ABHD3: variants seen among roughly 807,000 people sequenced by gnomAD.
ABHD3 encodes the protein abhydrolase domain containing 3, phospholipase.
A neutral mutation model predicts 48.8 loss-of-function variants in ABHD3; 46 were observed. That is an observed-to-expected ratio of 0.94 (90% CI 0.74 to 1.20). The LOEUF (loss-of-function observed/expected upper bound fraction) is 1.20. Among genes scored for constraint, ABHD3 ranks in the 50% most tolerant of loss-of-function variants. The pLI, the probability that ABHD3 is intolerant of heterozygous loss-of-function variation, is 0.00. For missense variants in ABHD3, 490 were observed against 497.8 expected (o/e 0.98, Z 0.15); for synonymous variants, 192 against 183.7 (o/e 1.04, Z -0.36).
At chr18:21,658,743 A>C (rs2039412930) in intron 6 of ABHD3, among the ~76,000 whole-genome samples, 1 of 152,226 alleles carries the variant, frequency 6.6e-6, no homozygotes, top group Admixed American at 6.5e-5. Flanking sequence ...GTACAGTAGT[A>C]AATTTATTCA....
At chr18:21,700,952 C>CCA (rs1491230268) in intron 3 of ABHD3, among the ~76,000 whole-genome samples, 2 of 81,664 alleles carry the variant, frequency 2.4e-5, no homozygotes, top group Admixed American at 1.5e-4. Flanking sequence ...GATTTGGCCT[C>CCA]AAAAAAAAAA....
At chr18:21,667,581 C>G (rs1241052790) in intron 4 of ABHD3, among the ~76,000 whole-genome samples, 3 of 152,032 alleles carry the variant, frequency 2.0e-5, no homozygotes, top group Non-Finnish European at 4.4e-5. Flanking sequence ...TTAAACTCAT[C>G]CCTAAAACAC....
intron 5 of ABHD3, chr18:21,663,797 G>A (rs2039556709): frequency 3.3e-6 from 5 of 1,533,542 alleles, no homozygotes; most frequent in Non-Finnish European, 4.4e-6. Flanking sequence ...CTCCAGGGAT[G>A]GCTGGGAGTG....
chr18:21,670,294 GT>G (rs772617395), intron 4 of ABHD3, among the ~76,000 whole-genome samples: 2 of 152,174 alleles, frequency 1.3e-5, no homozygotes, highest in Non-Finnish European at 2.9e-5. Flanking sequence ...GGGTAAGGAT[GT>G]AGCACCAGCT....
intron 4 of ABHD3, among the ~76,000 whole-genome samples, chr18:21,665,586 G>T (rs1385131891): frequency 2.0e-5 from 3 of 152,076 alleles, no homozygotes; most frequent in Non-Finnish European, 4.4e-5. Flanking sequence ...GGAGGCCAAG[G>T]CAGGTGGATC....
At chr18:21,699,422 T>TA (rs1379829415) in intron 3 of ABHD3, among the ~76,000 whole-genome samples, 1 of 152,220 alleles carries the variant, frequency 6.6e-6, no homozygotes, top group African/African-American at 2.4e-5. Context: ...ACCAATGACT[T>TA]AGATCATTTT....
chr18:21,660,620 T>C (rs890273502), intron 5 of ABHD3, among the ~76,000 whole-genome samples: 6 of 152,198 alleles, frequency 3.9e-5, no homozygotes, highest in African/African-American at 1.4e-4. Flanking sequence ...ATTTCTTCAA[T>C]TGTCCATGTT....
chr18:21,651,462 A>C lies in ABHD3; in HGVS notation c.*129T>G. ...TGTTTCTCTAAAAAGTAGTTTTTGC[A>C]TATCATTCTGGACCTCTTCACCCAT... On this transcript the variant is annotated 3_prime_UTR_variant, in exon 9 of 9. Transcript: ENST00000289119. The C allele has an allele frequency of 9.8e-7, 1 of 1,025,538 alleles. No individual in the cohort carries two copies. The highest frequency in any genetic ancestry group is 1.4e-6 in the Non-Finnish European group (1 of 728,096). The allele number at this position is 1,025,538 out of a possible 1,614,324, so 63.5% of individuals were successfully genotyped here. A position where few individuals can be genotyped will look rare whatever the true frequency, so the allele number is the denominator to read the frequency against.
At chr18:21,658,224 G>T (rs909187498) in intron 6 of ABHD3, among the ~76,000 whole-genome samples, 3 of 151,534 alleles carry the variant, frequency 2.0e-5, no homozygotes, top group Non-Finnish European at 4.4e-5. Flanking sequence ...GAAAGAAAAA[G>T]AAAAAAAGAA....
At chr18:21,663,996 GATAAAC>G (rs2146290360) in intron 5 of ABHD3, 116 bp downstream of exon 5, 4 of 1,434,618 alleles carry the variant, frequency 2.8e-6, no homozygotes, top group African/African-American at 1.4e-5. Flanking sequence ...AATAAAATAT[GATAAAC>G]ATAATCAGAC....
At chr18:21,693,303 C>G (rs981914613) in intron 3 of ABHD3, among the ~76,000 whole-genome samples, 22 of 152,184 alleles carry the variant, frequency 1.4e-4, no homozygotes, top group African/African-American at 4.8e-4. Flanking sequence ...CCTGTGAGGT[C>G]TAGGTATTGT....
intron 4 of ABHD3, among the ~76,000 whole-genome samples, chr18:21,673,020 G>C (rs62090801): frequency 6.6e-6 from 1 of 152,180 alleles, no homozygotes; most frequent in East Asian, 1.9e-4. Context: ...CATGATGTCA[G>C]GTTATACAAG....
rs140551639 is a variant in ABHD3, at chr18:21,697,785, T to C, written c.509+4531A>G. 3.4e-3 allele frequency among the ~76,000 whole-genome samples: 524 copies of C among 152,312 alleles called. 3 individuals are homozygous for C. The highest frequency in any genetic ancestry group is 0.012 in the African/African-American group (498 of 41,572). On this transcript the variant is annotated intron_variant, in intron 3 of 8. Coordinates refer to ENST00000289119, the MANE Select transcript of ABHD3 (RefSeq NM_138340.5). ...CCATCCATCCTGAATTTTGAATTAG[T>C]GCACCTTAACAGAAAAGTACTTTGT...
At chr18:21,677,489 A>G (rs1316878248) in intron 4 of ABHD3, among the ~76,000 whole-genome samples, 3 of 151,900 alleles carry the variant, frequency 2.0e-5, no homozygotes, top group African/African-American at 7.3e-5. Context: ...TACAGGCGTG[A>G]GCCACTATGC....
chr18:21,667,175 A>G (rs1033294196), intron 4 of ABHD3, among the ~76,000 whole-genome samples: 1 of 144,750 alleles, frequency 6.9e-6, no homozygotes, highest in African/African-American at 2.6e-5. Context: ...CTGGGTTCAC[A>G]CCATTCTCCT....
At chr18:21,661,102 TAAAAAA>T (rs35710540) in intron 5 of ABHD3, among the ~76,000 whole-genome samples, 13 of 57,226 alleles carry the variant, frequency 2.3e-4, no homozygotes, top group African/African-American at 7.7e-4. Flanking sequence ...AACTACAAGC[TAAAAAA>T]AAAAAAAAAA....
Position 21,704,544 on chromosome 18 carries a change from C to T in ABHD3, c.122G>A (p.Ser41Asn), listed in dbSNP as rs1196137721. ...GVGLSLILGF[S>N]VAYAFYYLSS... is the part of the protein sequence containing the mutation. Reference sequence around the variant, plus strand: ...CAGGTAGTAGAAGGCATAAGCGACGCTGAAGCCCAGGATAAGGGATAAGCC... The same window carrying T: ...CAGGTAGTAGAAGGCATAAGCGACGTTGAAGCCCAGGATAAGGGATAAGCC... Residue 41 changes from serine to asparagine, a missense_variant, in exon 1 of 9, where the codon AGC (serine) becomes AAC (asparagine). Physicochemically the swap from Ser to Asn is conservative, Grantham distance 46. Transcript: ENST00000289119. 1 of 1,518,444 alleles carries T rather than the reference C, an allele frequency of 6.6e-7. No individual in the cohort carries two copies. The highest frequency in any genetic ancestry group is 2.2e-5 in the Admixed American group (1 of 45,930). 94.1% of individuals were successfully genotyped at this position (1,518,444 alleles called of 1,614,324 possible). A position where few individuals can be genotyped will look rare whatever the true frequency, so the allele number is the denominator to read the frequency against.
intron 4 of ABHD3, among the ~76,000 whole-genome samples, chr18:21,669,654 T>C (rs1347870697): frequency 6.6e-6 from 1 of 152,146 alleles, no homozygotes; most frequent in Non-Finnish European, 1.5e-5. Flanking sequence ...TGCACGAAGA[T>C]TAACCCATTT....
At chr18:21,668,200 C>CAAAAAAAAAAAAAAA (rs747590942) in intron 4 of ABHD3, among the ~76,000 whole-genome samples, 82 of 61,186 alleles carry the variant, frequency 1.3e-3, no homozygotes, top group African/African-American at 3.6e-3. Context: ...GAATCTATCT[C>CAAAAAAAAAAAAAAA]AAAAAAAAAA....
Sources: gnomAD v4.1 joint callset for allele counts (sites outside exome capture counted in the v4.1 genomes callset) on GRCh38, gnomAD v4.1.1 for gene constraint, MANE v1.5 for transcripts, NCBI Gene and HGNC (gene_info 2026-07-23, HGNC 2026-07-21) for gene names.